LAMC2: variants seen among roughly 807,000 people sequenced by gnomAD.
LAMC2 encodes laminin subunit gamma-2.
Under a neutral mutation model 140.2 loss-of-function variants are expected in LAMC2, and 97 were observed. The ratio of observed to expected loss-of-function variants is 0.69; its 90% CI spans 0.59 to 0.82. The LOEUF is 0.82. Ranked by LOEUF, LAMC2 falls within the 40% of genes least tolerant of loss-of-function variation. The probability of loss-of-function intolerance (pLI) is 0.00; values close to 1 mark genes in which losing one functional copy is unlikely to be tolerated. For synonymous variants in LAMC2, 513 were observed against 540.2 expected (o/e 0.95, Z 0.70); for missense variants, 1,402 against 1,476.1 (o/e 0.95, Z 0.82).
intron 1 of LAMC2, among the ~76,000 whole-genome samples, chr1:183,204,251 A>G (rs1365342506): frequency 6.6e-6 from 1 of 151,942 alleles, no homozygotes; most frequent in African/African-American, 2.4e-5. Context: ...TGATCACACC[A>G]CTGCACTCCA....
intron 4 of LAMC2, among the ~76,000 whole-genome samples, chr1:183,219,094 G>A (rs1360267902): frequency 6.6e-6 from 1 of 152,234 alleles, no homozygotes; most frequent in Admixed American, 6.5e-5. Context: ...CGTGCCTTAA[G>A]TACAACTGTG....
At position 183,215,481 on chromosome 1, in the gene LAMC2, C is replaced by T. The variant is rs2274980; in HGVS notation, c.297C>T (p.Ser99=). 0.21 allele frequency: 345,026 copies of T among 1,613,682 alleles called. 41,527 individuals are homozygous for T. Among genetic ancestry groups the T allele is most frequent in the African/African-American group, 0.39 (29,262 of 74,838 alleles). ...KGSLSARCDN[S]GRCSCKPGVT... The stretch of plus-strand genomic sequence containing the variant: ...CTCTTAGTGCTCGATGTGACAACTC[C>T]GGACGGTGCAGCTGTAAACCAGGTG... Residue 99 remains serine (S), a synonymous_variant, in exon 3 of 23, where the codon TCC becomes TCT. Coordinates refer to ENST00000264144, the MANE Select transcript of LAMC2 (RefSeq NM_005562.3).
intron 7 of LAMC2, among the ~76,000 whole-genome samples, chr1:183,224,399 T>G (rs1486272091): frequency 6.6e-6 from 1 of 152,220 alleles, no homozygotes. Flanking sequence ...GCTTAGATCT[T>G]GTCCATGCTG....
In LAMC2 at chr1:183,243,513, G is replaced by T; in HGVS notation, c.*113G>T. 1 of 1,368,136 alleles carries T rather than the reference G, an allele frequency of 7.3e-7. No individual in the cohort carries two copies. Among genetic ancestry groups the T allele is most frequent in the Non-Finnish European group, 1.0e-6 (1 of 964,410 alleles). 84.7% of individuals were successfully genotyped at this position (1,368,136 alleles called of 1,614,324 possible). On this transcript the variant is annotated 3_prime_UTR_variant, in exon 23 of 23. Transcript: ENST00000264144. Reference sequence around the variant, plus strand: ...ACATTTGAACATGTTTAATGGGTATGCTCAGGTCAACTGACCTGACCCCAT... The same window carrying T: ...ACATTTGAACATGTTTAATGGGTATTCTCAGGTCAACTGACCTGACCCCAT...
At chr1:183,196,240 T>C (rs1403316260) in intron 1 of LAMC2, among the ~76,000 whole-genome samples, 4 of 152,000 alleles carry the variant, frequency 2.6e-5, no homozygotes, top group Non-Finnish European at 4.4e-5. Context: ...CGGGTTCAAG[T>C]GATTCTCCTG....
the LAMC2 span, among the ~76,000 whole-genome samples, chr1:183,255,917 G>A: frequency 1.6e-4 from 24 of 151,822 alleles, no homozygotes; most frequent in Admixed American, 9.8e-4. Flanking sequence ...ACCTGCCTCC[G>A]CCTCCCAAAG....
chr1:183,219,381 CAG>C (rs1659396402), intron 4 of LAMC2, among the ~76,000 whole-genome samples: 1 of 85,300 alleles, frequency 1.2e-5, no homozygotes, highest in Non-Finnish European at 2.2e-5. Context: ...AAATAAAAGA[CAG>C]AAATAGAATG....
rs1437265734 is a variant in LAMC2 at position 183,207,981 on chromosome 1, T to C, written c.180T>C (p.Thr60=). The change falls in exon 2 of 23, where the codon ACT becomes ACC. Residue 60 remains threonine (T), a synonymous_variant. Transcript: ENST00000264144. ...GCTGCCTCAACTGCAATGACAACAC[T>C]GATGGCATTCACTGCGAGAAGTGCA... is the stretch of plus-strand genomic sequence containing the variant. ...GFRCLNCNDN[T]DGIHCEKCKN... The C allele has an allele frequency of 6.2e-7, 1 of 1,614,040 alleles. No homozygotes were observed. Among genetic ancestry groups the C allele is most frequent in the Non-Finnish European group, 8.5e-7 (1 of 1,180,012 alleles).
At chr1:183,192,975 G>C (rs1658394644) in intron 1 of LAMC2, among the ~76,000 whole-genome samples, 1 of 152,210 alleles carries the variant, frequency 6.6e-6, no homozygotes, top group Admixed American at 6.5e-5. Flanking sequence ...AAAGTGCTGG[G>C]ATTACAGGCA....
intron 1 of LAMC2, among the ~76,000 whole-genome samples, chr1:183,189,610 G>A (rs769121679): frequency 4.6e-5 from 7 of 152,148 alleles, no homozygotes; most frequent in African/African-American, 1.4e-4. Flanking sequence ...GACCACAGAC[G>A]AGATTGCCTA....
intron 8 of LAMC2, 96 bp downstream of exon 8, chr1:183,225,816 AAG>A: frequency 2.6e-6 from 2 of 783,508 alleles, no homozygotes; most frequent in Non-Finnish European, 4.5e-6. Flanking sequence ...ACAAGTAGAT[AAG>A]TTACTTGATG....
At chr1:183,222,235 A>G in intron 6 of LAMC2, 24 bp downstream of exon 6, 3 of 1,612,018 alleles carry the variant, frequency 1.9e-6, no homozygotes, top group Non-Finnish European at 2.5e-6. Context: ...AATGTCTCCT[A>G]TAGAGGCCAG....
the LAMC2 span, chr1:183,252,719 G>A: frequency 1.9e-6 from 3 of 1,614,006 alleles, no homozygotes; most frequent in Non-Finnish European, 1.7e-6. Context: ...CCACAACATG[G>A]CCGTCCCCAT....
intron 1 of LAMC2, among the ~76,000 whole-genome samples, chr1:183,192,520 C>T (rs1431949676): frequency 6.6e-6 from 1 of 152,154 alleles, no homozygotes; most frequent in Non-Finnish European, 1.5e-5. Context: ...AGAAAAATGA[C>T]ACCCAGTGAG....
intron 1 of LAMC2, among the ~76,000 whole-genome samples, chr1:183,207,596 G>A (rs1658928237): frequency 6.6e-6 from 1 of 152,034 alleles, no homozygotes; most frequent in African/African-American, 2.4e-5. Context: ...TAACATTTTG[G>A]GTTTCTCTCG....
intron 1 of LAMC2, among the ~76,000 whole-genome samples, chr1:183,191,923 T>C (rs1446171197): frequency 6.6e-6 from 1 of 152,162 alleles, no homozygotes; most frequent in African/African-American, 2.4e-5. Context: ...TCTCATTTAG[T>C]CAGAAATTAA....
At chr1:183,250,652 G>A in the LAMC2 span, 5 of 152,612 alleles carry the variant, frequency 3.3e-5, no homozygotes, top group African/African-American at 1.2e-4. Context: ...AAAGGAAAGT[G>A]TTGGATCAAC....
intron 17 of LAMC2, among the ~76,000 whole-genome samples, chr1:183,237,056 A>T (rs184342006): frequency 9.2e-5 from 14 of 152,342 alleles, no homozygotes; most frequent in Admixed American, 5.9e-4. Context: ...ATAGAAAAAA[A>T]AATTCACAAT....
At chr1:183,253,947 G>A in the LAMC2 span, among the ~76,000 whole-genome samples, 2 of 148,868 alleles carry the variant, frequency 1.3e-5, no homozygotes, top group African/African-American at 5.1e-5. Context: ...GTGTGTGTAT[G>A]TGTGTGTGTA....
Sources: allele counts gnomAD v4.1 joint callset (sites outside exome capture counted in the v4.1 genomes callset), GRCh38; gene constraint gnomAD v4.1.1; transcripts MANE v1.5; gene names NCBI Gene and HGNC (gene_info 2026-07-23, HGNC 2026-07-21).